Variants in TENM3 observed in about 807,000 individuals in gnomAD.
TENM3 encodes the protein teneurin transmembrane protein 3, also known as teneurin-3.
A neutral mutation model predicts 255.1 loss-of-function variants in TENM3; 63 were observed. The observed-to-expected ratio is 0.25, with a 90% CI of 0.20 to 0.30. The LOEUF (loss-of-function observed/expected upper bound fraction) is 0.30, where lower values mean the gene tolerates loss of function less well. Ranked by LOEUF, TENM3 falls within the 10% of genes least tolerant of loss-of-function variation. The pLI is 1.00. For missense variants in TENM3, 2,929 were observed against 3,461.1 expected (o/e 0.85, Z 3.86); for synonymous variants, 1,306 against 1,322.3 (o/e 0.99, Z 0.27).
the TENM3 span, among the ~76,000 whole-genome samples, chr4:182,062,099 A>C: frequency 6.6e-6 from 1 of 152,248 alleles, no homozygotes; most frequent in Non-Finnish European, 1.5e-5. Flanking sequence ...TGTATTTCAC[A>C]AAATGCAAGT....
intron 1 of TENM3, among the ~76,000 whole-genome samples, chr4:182,159,105 A>G (rs1000424444): frequency 6.6e-6 from 1 of 152,158 alleles, no homozygotes; most frequent in Admixed American, 6.5e-5. Context: ...GTTTGTAACG[A>G]TGGCTGGTGG....
At chr4:182,462,542 C>T (rs185433350) in intron 3 of TENM3, among the ~76,000 whole-genome samples, 1 of 151,868 alleles carries the variant, frequency 6.6e-6, no homozygotes, top group East Asian at 1.9e-4. Flanking sequence ...TGACTGATTG[C>T]CCAGCCTCCA....
intron 3 of TENM3, among the ~76,000 whole-genome samples, chr4:182,594,138 G>C: frequency 6.6e-6 from 1 of 152,148 alleles, no homozygotes; most frequent in Non-Finnish European, 1.5e-5. Context: ...CAAGAGGTTA[G>C]TTTGTTTTCT....
At chr4:182,226,823 C>A (rs536787514) in intron 1 of TENM3, among the ~76,000 whole-genome samples, 1 of 152,184 alleles carries the variant, frequency 6.6e-6, no homozygotes, top group Non-Finnish European at 1.5e-5. Context: ...TGCTCCAAGT[C>A]AGTGGGTCCC....
At chr4:182,706,113 A>G (rs928728088) in intron 12 of TENM3, among the ~76,000 whole-genome samples, 1 of 152,132 alleles carries the variant, frequency 6.6e-6, no homozygotes. Flanking sequence ...TCCTTGGGAA[A>G]TCTATAAACA....
At chr4:181,984,972 T>C in the TENM3 span, among the ~76,000 whole-genome samples, 1 of 151,960 alleles carries the variant, frequency 6.6e-6, no homozygotes, top group Non-Finnish European at 1.5e-5. Flanking sequence ...GAATGATCAT[T>C]ATACAATTGC....
At chr4:182,614,449 A>T (rs2152436538) in intron 4 of TENM3, among the ~76,000 whole-genome samples, 2 of 152,290 alleles carry the variant, frequency 1.3e-5, no homozygotes, top group South Asian at 4.1e-4. Flanking sequence ...ATTAAAATTC[A>T]AGGAAAAATA....
intron 2 of TENM3, among the ~76,000 whole-genome samples, chr4:182,345,425 A>T (rs1412485529): frequency 6.6e-6 from 1 of 152,240 alleles, no homozygotes; most frequent in Non-Finnish European, 1.5e-5. Flanking sequence ...TTTAAGAGGT[A>T]GAAGTAGGGA....
At chr4:182,509,629 C>G (rs1250084904) in intron 3 of TENM3, among the ~76,000 whole-genome samples, 1 of 152,060 alleles carries the variant, frequency 6.6e-6, no homozygotes, top group Non-Finnish European at 1.5e-5. Flanking sequence ...AGAATTAAAT[C>G]AATGAGGGGA....
chr4:181,766,967 C>A, the TENM3 span, among the ~76,000 whole-genome samples: 1 of 151,666 alleles, frequency 6.6e-6, no homozygotes, highest in African/African-American at 2.4e-5. Flanking sequence ...AACTTAAAAC[C>A]AGAGGCCGGG....
chr4:182,721,885 C>T (rs1253957652), intron 13 of TENM3, among the ~76,000 whole-genome samples: 1 of 151,560 alleles, frequency 6.6e-6, no homozygotes, highest in Non-Finnish European at 1.5e-5. Context: ...TATTTATTTC[C>T]CTTGTTTTTT....
At chr4:182,177,290 C>A (rs1752556564) in intron 1 of TENM3, among the ~76,000 whole-genome samples, 1 of 151,988 alleles carries the variant, frequency 6.6e-6, no homozygotes, top group South Asian at 2.1e-4. Flanking sequence ...CACAATTGCG[C>A]CAGATGAAGT....
At chr4:182,622,578 C>G (rs1039333564) in intron 4 of TENM3, among the ~76,000 whole-genome samples, 3 of 152,190 alleles carry the variant, frequency 2.0e-5, no homozygotes, top group South Asian at 2.1e-4. Flanking sequence ...TCCTATCTCC[C>G]GTGGAGAAAC....
chr4:181,901,329 C>A, the TENM3 span, among the ~76,000 whole-genome samples: 76 of 152,272 alleles, frequency 5.0e-4, 1 homozygote, highest in African/African-American at 1.7e-3. Context: ...ATAAATTTTA[C>A]AATTCCTCTG....
At chr4:182,243,767 G>A (rs1459839438) in intron 1 of TENM3, among the ~76,000 whole-genome samples, 1 of 152,056 alleles carries the variant, frequency 6.6e-6, no homozygotes, top group Admixed American at 6.6e-5. Flanking sequence ...AAAATTCATA[G>A]TCACATCAGC....
chr4:182,715,256 A>G lies in TENM3; in HGVS notation c.2368+1023A>G, dbSNP rs553017866. The stretch of plus-strand genomic sequence containing the variant: ...GTAGTTCCTATCCGGGCCTCTGTGG[A>G]CACTTGCCACGTGTGTTAGGTTGTG... On this transcript the variant is annotated intron_variant, in intron 13 of 27. Coordinates refer to ENST00000511685, the MANE Select transcript of TENM3 (RefSeq NM_001080477.4). Among the ~76,000 whole-genome samples the G allele has an allele frequency of 2.6e-5, 4 of 152,196 alleles. No homozygotes were observed. In the East Asian group the frequency reaches 7.7e-4, roughly 29 times the overall value.
At chr4:182,730,103 AG>A (rs1760569799) in intron 14 of TENM3, 96 bp from the exon 15 acceptor site, 3 of 1,437,380 alleles carry the variant, frequency 2.1e-6, no homozygotes, top group Admixed American at 1.8e-5. Flanking sequence ...TGCATAGCAT[AG>A]TGTTATTTTA....
chr4:182,324,353 C>T (rs1297913365), intron 2 of TENM3, 101 bp downstream of exon 2: 5 of 855,986 alleles, frequency 5.8e-6, no homozygotes, highest in African/African-American at 1.7e-5. Flanking sequence ...CTGACTTTGG[C>T]GTTCCATCTG....
the TENM3 span, among the ~76,000 whole-genome samples, chr4:182,066,065 T>C: frequency 2.0e-4 from 30 of 152,278 alleles, no homozygotes; most frequent in African/African-American, 7.2e-4. Flanking sequence ...AACTTTTTGA[T>C]GAACAGCTGA....
Sources: gnomAD v4.1 joint callset for allele counts (sites outside exome capture counted in the v4.1 genomes callset) on GRCh38, gnomAD v4.1.1 for gene constraint, MANE v1.5 for transcripts, NCBI Gene and HGNC (gene_info 2026-07-23, HGNC 2026-07-21) for gene names.